CEP57: variants seen among roughly 807,000 people sequenced by gnomAD.
The protein encoded by CEP57 is centrosomal protein of 57 kDa.
CEP57 carries 40 observed loss-of-function variants against 68.0 expected under a neutral mutation model. That is an observed-to-expected ratio of 0.59 (90% CI 0.46 to 0.77). CEP57 has a LOEUF of 0.77. Among genes scored for constraint, CEP57 ranks in the 30% least tolerant of loss-of-function variants. The pLI is 0.00. For missense variants in CEP57, 606 were observed against 580.7 expected (o/e 1.04, Z -0.45); for synonymous variants, 219 against 198.7 (o/e 1.10, Z -0.86).
chr11:95,815,539 AG>A (rs1174622100), intron 4 of CEP57, among the ~76,000 whole-genome samples: 2 of 152,016 alleles, frequency 1.3e-5, no homozygotes, highest in Non-Finnish European at 2.9e-5. Flanking sequence ...AATAAAGAAA[AG>A]TTATATGGTG....
intron 5 of CEP57, among the ~76,000 whole-genome samples, chr11:95,818,237 C>A (rs1265945907): frequency 6.6e-6 from 1 of 151,792 alleles, no homozygotes; most frequent in Non-Finnish European, 1.5e-5. Flanking sequence ...CATGGTGAAA[C>A]CCCGTATCTA....
chr11:95,794,160 C>A, intron 1 of CEP57: 1 of 430,778 alleles, frequency 2.3e-6, no homozygotes, highest in South Asian at 1.6e-5. Flanking sequence ...TAAAGGGGTC[C>A]TGAGAGAAAA....
intron 7 of CEP57, 102 bp from the exon 8 acceptor site, chr11:95,822,394 AAGT>A: frequency 1.2e-6 from 1 of 811,020 alleles, no homozygotes; most frequent in Non-Finnish European, 2.1e-6. Flanking sequence ...TAGATAAGGC[AAGT>A]AGTAGCCTAG....
chr11:95,805,239 G>A (rs780172878), intron 2 of CEP57, among the ~76,000 whole-genome samples: 12 of 152,104 alleles, frequency 7.9e-5, no homozygotes, highest in Non-Finnish European at 1.8e-4. Context: ...ATTAAAGGAC[G>A]TTTAAAATTT....
intron 8 of CEP57, chr11:95,822,917 C>A: frequency 3.2e-6 from 1 of 311,594 alleles, no homozygotes; most frequent in Non-Finnish European, 6.3e-6. Context: ...TGTTGAGTTA[C>A]ATTTAGATAT....
chr11:95,827,744 A>G (rs774091772), intron 8 of CEP57, 42 bp from the exon 9 acceptor site: 1 of 1,611,842 alleles, frequency 6.2e-7, no homozygotes, highest in Admixed American at 1.7e-5. Context: ...GGTGTAGAGA[A>G]TATAACTTCA....
intron 8 of CEP57, among the ~76,000 whole-genome samples, chr11:95,824,113 G>GC (rs1454505338): frequency 6.6e-6 from 1 of 151,292 alleles, no homozygotes; most frequent in African/African-American, 2.4e-5. Context: ...CGGCATGTTG[G>GC]CGTGCACCTG....
At chr11:95,817,608 T>C (rs1862351687) in intron 4 of CEP57, among the ~76,000 whole-genome samples, 179 bp from the exon 5 acceptor site, 1 of 152,186 alleles carries the variant, frequency 6.6e-6, no homozygotes, top group African/African-American at 2.4e-5. Context: ...GCAACTGAGC[T>C]AAGAACAGTA....
chr11:95,829,255 G>T lies in CEP57; in HGVS notation c.1196G>T (p.Cys399Phe). 6.2e-7 allele frequency: 1 copy of T among 1,614,052 alleles called. No individual in the cohort carries two copies. The highest frequency in any genetic ancestry group is 8.5e-7 in the Non-Finnish European group (1 of 1,180,000). Reference sequence around the variant, plus strand: ...GTTGAACTGAAAGACAAGTTGGAGTGTGAATTGGAGGCATTAGTGGGAAGG... The same window carrying T: ...GTTGAACTGAAAGACAAGTTGGAGTTTGAATTGGAGGCATTAGTGGGAAGG... Reference protein sequence around the residue: ...PTVELKDKLECELEALVGRME... With the variant: ...PTVELKDKLEFELEALVGRME... The change falls in exon 10 of 11, where the codon TGT becomes TTT. Residue 399 changes from cysteine (C) to phenylalanine (F), a missense_variant. Cys to Phe is a radical substitution (Grantham distance 205, BLOSUM62 -2). Coordinates refer to ENST00000325542, the MANE Select transcript of CEP57 (RefSeq NM_014679.5).
At chr11:95,799,422 G>T (rs1358638542) in intron 2 of CEP57, 34 bp downstream of exon 2, 1 of 1,612,222 alleles carries the variant, frequency 6.2e-7, no homozygotes, top group African/African-American at 1.3e-5. Context: ...TGTTATTTGT[G>T]TTTTCTTGCT....
In CEP57 at chr11:95,805,829, A is replaced by AAT. The variant is rs1010731736; in HGVS notation, c.202+6454_202+6455dup. Among the ~76,000 whole-genome samples the AAT allele has an allele frequency of 2.3e-3, 355 of 151,096 alleles. 1 individual carries two copies. Among genetic ancestry groups the AAT allele is most frequent in the African/African-American group, 6.9e-3 (287 of 41,302 alleles). Reference sequence around the variant, plus strand: ...TATGTAACAAAGAGTTACAGTATCTAATATATATATATATGTGTGTGTGAA... The same window carrying AAT: ...TATGTAACAAAGAGTTACAGTATCTAATATATATATATATATGTGTGTGTGAA... On this transcript the variant is annotated intron_variant, in intron 2 of 10. Coordinates refer to ENST00000325542, the MANE Select transcript of CEP57 (RefSeq NM_014679.5).
At chr11:95,809,172 A>C (rs892672053) in intron 2 of CEP57, among the ~76,000 whole-genome samples, 1 of 152,254 alleles carries the variant, frequency 6.6e-6, no homozygotes, top group African/African-American at 2.4e-5. Flanking sequence ...AAGACACAAC[A>C]TACCAGATTC....
intron 2 of CEP57, among the ~76,000 whole-genome samples, chr11:95,812,221 A>C (rs1862095912): frequency 6.6e-6 from 1 of 152,102 alleles, no homozygotes; most frequent in Non-Finnish European, 1.5e-5. Flanking sequence ...AAATGTATTA[A>C]TAAGTAATAG....
intron 8 of CEP57, among the ~76,000 whole-genome samples, chr11:95,824,095 A>G (rs1862635402): frequency 6.7e-6 from 1 of 149,872 alleles, no homozygotes; most frequent in African/African-American, 2.4e-5. Flanking sequence ...AAAAAAAAAA[A>G]ATGATCCCGG....
At chr11:95,797,624 G>GA (rs1222656806) in intron 1 of CEP57, among the ~76,000 whole-genome samples, 5 of 152,106 alleles carry the variant, frequency 3.3e-5, no homozygotes, top group African/African-American at 7.2e-5. Flanking sequence ...AGGAGTTTTT[G>GA]AATCTGTATC....
chr11:95,801,615 A>G (rs1453525931), intron 2 of CEP57, among the ~76,000 whole-genome samples: 1 of 152,160 alleles, frequency 6.6e-6, no homozygotes, highest in Admixed American at 6.5e-5. Context: ...ATAATATTGT[A>G]TCTAGTTCTG....
chr11:95,829,073 A>G (rs1176527058), intron 9 of CEP57, 114 bp from the exon 10 acceptor site: 5 of 1,183,744 alleles, frequency 4.2e-6, no homozygotes, highest in Non-Finnish European at 6.1e-6. Context: ...TGCTCTGTTC[A>G]AAAAATGGAG....
intron 8 of CEP57, 117 bp from the exon 9 acceptor site, chr11:95,827,669 G>A: frequency 8.9e-7 from 1 of 1,120,060 alleles, no homozygotes. Flanking sequence ...AATAATTTTA[G>A]GATTTATATA....
chr11:95,791,070 T>A lies in CEP57; in HGVS notation c.45+327T>A, dbSNP rs531194976. On this transcript the variant is annotated intron_variant, in intron 1 of 10. Transcript: ENST00000325542. ...CCCTGGCCTGCAAAAATGTAGCTCT[T>A]TTGGTCACGTGGGTTCAGCGGCCCC... Among the ~76,000 whole-genome samples the A allele has an allele frequency of 5.3e-5, 8 of 152,320 alleles. No homozygotes were observed. The South Asian group carries it at 1.4e-3, about 28-fold the overall frequency.
Sources: gnomAD v4.1 joint callset for allele counts (sites outside exome capture counted in the v4.1 genomes callset) on GRCh38, gnomAD v4.1.1 for gene constraint, MANE v1.5 for transcripts, NCBI Gene and HGNC (gene_info 2026-07-23, HGNC 2026-07-21) for gene names.